Variants in RPL12 observed in about 807,000 individuals in gnomAD.
RPL12 encodes large ribosomal subunit protein uL11.
In RPL12, 10 loss-of-function variants were observed where a neutral mutation model predicts 24.5. The observed-to-expected ratio is 0.41, with a 90% confidence interval of 0.25 to 0.69. RPL12 has a LOEUF of 0.69. Among genes scored for constraint, RPL12 ranks in the 30% least tolerant of loss-of-function variants. The pLI, the probability that RPL12 is intolerant of heterozygous loss-of-function variation, is 0.33. For synonymous variants in RPL12, 74 were observed against 76.1 expected (o/e 0.97, Z 0.14); for missense variants, 137 against 205.3 (o/e 0.67, Z 2.03).
At chr9:127,450,485 G>A (rs1834270844) in intron 2 of RPL12, 1 of 467,254 alleles carries the variant, frequency 2.1e-6, no homozygotes, top group Non-Finnish European at 3.8e-6. Flanking sequence ...CTCCCCCTTG[G>A]GCCCACCCCT....
chr9:127,447,904 G>T lies in RPL12; in HGVS notation c.465C>A (p.Ile155=), dbSNP rs764299484. The change falls in exon 6 of 7, where the codon ATC becomes ATA. Residue 155 remains isoleucine, a synonymous_variant. Coordinates refer to ENST00000361436, the MANE Select transcript of RPL12 (RefSeq NM_000976.4). The part of the protein sequence containing the change: ...GRHPHDIIDD[I]NSGAVECPAS Reference sequence around the variant, plus strand: ...CTGGGCATTCCACAGCACCACTGTTGATGTCATCGATGATGTCATGAGGAT... The same window carrying T: ...CTGGGCATTCCACAGCACCACTGTTTATGTCATCGATGATGTCATGAGGAT... 5 of 1,613,508 alleles carry T rather than the reference G, an allele frequency of 3.1e-6. No homozygotes were observed. In the African/African-American group the frequency reaches 6.7e-5, roughly 22 times the overall value.
At position 127,448,309 on chromosome 9, in the gene RPL12, T is replaced by C. The variant is rs768601670; in HGVS notation, c.379+28A>G. 118 of 1,534,928 alleles carry C rather than the reference T, an allele frequency of 7.7e-5. No homozygotes were observed. In the African/African-American group the frequency reaches 8.7e-4, roughly 11 times the overall value. On this transcript the variant is annotated intron_variant, in intron 5 of 6. Coordinates refer to ENST00000361436, the MANE Select transcript of RPL12 (RefSeq NM_000976.4). ...TCAGTGAAAAACACAACTACAGTTA[T>C]GGCGGTTACATGTTGTCCTGCTCTT... is the stretch of plus-strand genomic sequence containing the variant.
rs767192481 is a variant in RPL12 at position 127,451,365 on chromosome 9, G to T, written c.-48C>A. On this transcript the variant is annotated 5_prime_UTR_variant, in exon 1 of 7. Transcript: ENST00000361436. ...TGAACCCGGATTCGGGACGACCGAA[G>T]GAAGTTGCACCTTGGCCTCCTCCGA... The T allele has an allele frequency of 1.3e-6, 2 of 1,594,414 alleles. No homozygotes were observed. The highest frequency in any genetic ancestry group is 3.4e-5 in the Admixed American group (2 of 59,116).
intron 1 of RPL12, chr9:127,451,022 G>A (rs988613739): frequency 6.2e-6 from 4 of 641,080 alleles, no homozygotes; most frequent in Admixed American, 3.1e-5. Context: ...CAGGCCAATG[G>A]GGCGAAACGC....
chr9:127,449,568 TC>T, intron 3 of RPL12, 41 bp downstream of exon 3: 3 of 1,536,420 alleles, frequency 2.0e-6, no homozygotes, highest in Non-Finnish European at 2.7e-6. Flanking sequence ...TTGCTACCTG[TC>T]CCCCCACCCT....
rs1834285562 is a variant in RPL12 at position 127,450,823 on chromosome 9, T to TA, written c.38-20dup. On this transcript the variant is annotated intron_variant, in intron 1 of 6. Coordinates refer to ENST00000361436, the MANE Select transcript of RPL12 (RefSeq NM_000976.4). ...AGGTATACTGGGGGAAAAGAAGAGTTAGTGTCTGTGCAGAGGGAGCCCCGA... is the reference window on the plus strand; with the variant it reads ...AGGTATACTGGGGGAAAAGAAGAGTTAAGTGTCTGTGCAGAGGGAGCCCCGA... 6.5e-6 allele frequency: 10 copies of TA among 1,541,986 alleles called. No homozygotes were observed. The South Asian group carries it at 8.3e-5, about 13-fold the overall frequency.
intron 4 of RPL12, 44 bp downstream of exon 4, chr9:127,449,237 T>C: frequency 1.3e-6 from 2 of 1,527,136 alleles, no homozygotes; most frequent in Non-Finnish European, 1.8e-6. Flanking sequence ...ATCAAACATC[T>C]CACAAACCAT....
At chr9:127,448,475 A>T (rs1161488712) in intron 4 of RPL12, 52 bp from the exon 5 acceptor site, 1 of 1,156,500 alleles carries the variant, frequency 8.6e-7, no homozygotes, top group Non-Finnish European at 1.3e-6. Context: ...GCCAAAGCAG[A>T]TCATGTGTCC....
intron 4 of RPL12, 31 bp downstream of exon 4, chr9:127,449,250 C>G: frequency 6.3e-7 from 1 of 1,592,832 alleles, no homozygotes; most frequent in Non-Finnish European, 8.6e-7. Context: ...CAAACCATTA[C>G]CAAAACCAAA....
chr9:127,450,986 GGA>G (rs1834293017), intron 1 of RPL12, 182 bp from the exon 2 acceptor site: 2 of 644,224 alleles, frequency 3.1e-6, no homozygotes, highest in Non-Finnish European at 5.4e-6. Context: ...GGGGAGGCGT[GGA>G]GAGAGCCCCG....
Position 127,448,337 on chromosome 9 carries a change from CAG to C in RPL12, c.377_378del (p.Ser126TrpfsTer4), listed in dbSNP as rs763117672. The C allele has an allele frequency of 1.9e-6, 3 of 1,609,454 alleles. No individual in the cohort carries two copies. Among genetic ancestry groups the C allele is most frequent in the South Asian group, 2.2e-5 (2 of 90,986 alleles). ...MRHRSLARELSGTIKEILGTA... is the reference protein window; with the variant it reads ...MRHRSLARELXGTIKEILGTA... ...CGGTTACATGTTGTCCTGCTCTTAC[CAG>C]AGAGTTCTCTGGCTAAGGATCGGTG... On this transcript the variant is annotated frameshift_variant and splice_region_variant, in exon 5 of 7. Coordinates refer to ENST00000361436, the MANE Select transcript of RPL12 (RefSeq NM_000976.4). LOFTEE classifies it high-confidence loss of function.
At chr9:127,448,266 TAAG>T in intron 5 of RPL12, 68 bp downstream of exon 5, 7 of 1,289,352 alleles carry the variant, frequency 5.4e-6, no homozygotes, top group Non-Finnish European at 7.9e-6. Context: ...ACCCTTCAAG[TAAG>T]AAGAATGTTA....
At chr9:127,450,623 G>C in intron 2 of RPL12, 108 bp downstream of exon 2, 1 of 779,046 alleles carries the variant, frequency 1.3e-6, no homozygotes, top group Non-Finnish European at 2.0e-6. Flanking sequence ...CCTACTGAGG[G>C]TGACAGTCCA....
intron 4 of RPL12, 42 bp downstream of exon 4, chr9:127,449,237 TCA>T (rs1314112082): frequency 2.6e-6 from 4 of 1,527,018 alleles, no homozygotes; most frequent in Non-Finnish European, 3.6e-6. Context: ...ATCAAACATC[TCA>T]CAAACCATTA....
chr9:127,448,329 G>C lies in RPL12; in HGVS notation c.379+8C>G. ...AGTTATGGCGGTTACATGTTGTCCT[G>C]CTCTTACCAGAGAGTTCTCTGGCTA... On this transcript the variant is annotated splice_region_variant and intron_variant, in intron 5 of 6. Coordinates refer to ENST00000361436, the MANE Select transcript of RPL12 (RefSeq NM_000976.4). 6.2e-7 allele frequency: 1 copy of C among 1,600,612 alleles called. No individual in the cohort carries two copies. The highest frequency in any genetic ancestry group is 1.1e-5 in the South Asian group (1 of 90,786).
At chr9:127,451,011 C>A in intron 1 of RPL12, 1 of 646,624 alleles carries the variant, frequency 1.5e-6, no homozygotes. Flanking sequence ...GCCCGCTAAC[C>A]CAGGCCAATG....
rs766732934 is a variant in RPL12 at position 127,451,355 on chromosome 9, G to A, written c.-38C>T. 6 of 1,610,870 alleles carry A rather than the reference G, an allele frequency of 3.7e-6. No homozygotes were observed. Among genetic ancestry groups the A allele is most frequent in the African/African-American group, 2.7e-5 (2 of 75,010 alleles). On this transcript the variant is annotated 5_prime_UTR_variant, in exon 1 of 7. Transcript: ENST00000361436. ...TGGTGTCGGATGAACCCGGATTCGG[G>A]ACGACCGAAGGAAGTTGCACCTTGG...
Position 127,447,949 on chromosome 9 carries a change from G to A in RPL12, c.420C>T (p.Gly140=), listed in dbSNP as rs1337243089. 6.2e-7 allele frequency: 1 copy of A among 1,613,638 alleles called. No homozygotes were observed. Among genetic ancestry groups the A allele is most frequent in the East Asian group, 2.2e-5 (1 of 44,880 alleles). ...KEILGTAQSV[G]CNVDGRHPHD... ...GAGGATGGCGGCCATCAACATTACA[G>A]CCCACTGACTGGGCAGTCCCCAGGA... Residue 140 remains glycine, a synonymous_variant, in exon 6 of 7, where the codon GGC becomes GGT. Coordinates refer to ENST00000361436, the MANE Select transcript of RPL12 (RefSeq NM_000976.4).
intron 6 of RPL12, 49 bp downstream of exon 6, chr9:127,447,825 CACT>C (rs2131971437): frequency 6.2e-7 from 1 of 1,611,324 alleles, no homozygotes; most frequent in East Asian, 2.2e-5. Flanking sequence ...TCTGTGAATA[CACT>C]GGGTGGCCCC....
Sources: gnomAD v4.1 joint callset for allele counts on GRCh38, gnomAD v4.1.1 for gene constraint, MANE v1.5 for transcripts, NCBI Gene and HGNC (gene_info 2026-07-23, HGNC 2026-07-21) for gene names.